ELMOD1: variants seen among roughly 807,000 people sequenced by gnomAD.
ELMOD1 encodes the protein ELMO domain-containing protein 1.
Under a neutral mutation model 46.7 loss-of-function variants are expected in ELMOD1, and 21 were observed. The observed-to-expected ratio is 0.45, with a 90% CI of 0.32 to 0.65. ELMOD1 has a LOEUF of 0.65. ELMOD1 is among the 30% of genes least tolerant of loss of function. The pLI is 0.04. For missense variants in ELMOD1, 348 were observed against 407.8 expected, an observed-to-expected ratio of 0.85 and a Z score of 1.26; for synonymous variants, 122 against 138.2, an observed-to-expected ratio of 0.88 and a Z score of 0.82.
chr11:107,612,403 T>C (rs1865795370), intron 1 of ELMOD1, among the ~76,000 whole-genome samples: 2 of 152,204 alleles, frequency 1.3e-5, no homozygotes, highest in Admixed American at 1.3e-4. Flanking sequence ...AACTATTGGA[T>C]ACTATGCTCA....
intron 6 of ELMOD1, among the ~76,000 whole-genome samples, chr11:107,640,094 C>T (rs1317844984): frequency 6.6e-6 from 1 of 152,204 alleles, no homozygotes; most frequent in Non-Finnish European, 1.5e-5. Flanking sequence ...ACCTCCACCT[C>T]CCAGGTTCAA....
chr11:107,592,249 A>C, intron 1 of ELMOD1: 1 of 288,702 alleles, frequency 3.5e-6, no homozygotes, highest in Non-Finnish European at 6.9e-6. Flanking sequence ...TTTAATGAAT[A>C]TGTTGTCAGC....
rs116630127 is a variant in ELMOD1, at chr11:107,641,335, C to A, written c.420+5570C>A. ...AAAATAAGTATATATATATATATAT[C>A]TCTAACAGGAAGAATCAAACTAGTT... On this transcript the variant is annotated intron_variant, in intron 6 of 11. Coordinates refer to ENST00000265840, the MANE Select transcript of ELMOD1 (RefSeq NM_018712.4). Among the ~76,000 whole-genome samples, 820 of 150,868 alleles carry A rather than the reference C, an allele frequency of 5.4e-3. 7 individuals carry two copies. The highest frequency in any genetic ancestry group is 0.019 in the African/African-American group (775 of 41,188).
rs774466094 is a variant in ELMOD1 at position 107,665,126 on chromosome 11, A to C, written c.934A>C (p.Lys312Gln). ...VREKFRKRII[K>Q]QLQNPDMALC... Reference sequence around the variant, plus strand: ...GGAGAAATTCCGCAAGAGGATCATCAAACAGCTGCAGAACCCAGACATGGC... The same window carrying C: ...GGAGAAATTCCGCAAGAGGATCATCCAACAGCTGCAGAACCCAGACATGGC... The change falls in exon 12 of 12, where the codon AAA becomes CAA. Residue 312 changes from lysine (K) to glutamine (Q), a missense_variant. Transcript: ENST00000265840. The C allele has an allele frequency of 6.2e-7, 1 of 1,614,012 alleles. No individual in the cohort carries two copies. The highest frequency in any genetic ancestry group is 8.5e-7 in the Non-Finnish European group (1 of 1,179,890).
chr11:107,598,599 A>G (rs1865534820), intron 1 of ELMOD1, among the ~76,000 whole-genome samples: 1 of 152,230 alleles, frequency 6.6e-6, no homozygotes, highest in South Asian at 2.1e-4. Context: ...AGGAGATGAA[A>G]GTGCCAGATG....
intron 1 of ELMOD1, among the ~76,000 whole-genome samples, chr11:107,607,404 C>T (rs1323966665): frequency 6.6e-6 from 1 of 152,166 alleles, no homozygotes; most frequent in Non-Finnish European, 1.5e-5. Flanking sequence ...GCCTGTAATT[C>T]CAGCACTTTG....
At chr11:107,662,814 C>T (rs1866765662) in intron 11 of ELMOD1, among the ~76,000 whole-genome samples, 1 of 151,912 alleles carries the variant, frequency 6.6e-6, no homozygotes, top group Non-Finnish European at 1.5e-5. Context: ...ATTGCTTGAA[C>T]CTGGGAGGTG....
chr11:107,595,053 A>C lies in ELMOD1; in HGVS notation c.-86+3644A>C, dbSNP rs1022752716. 3.9e-4 allele frequency among the ~76,000 whole-genome samples: 60 copies of C among 152,178 alleles called. 1 individual carries two copies. Among genetic ancestry groups the C allele is most frequent in the Non-Finnish European group, 4.3e-4 (29 of 68,030 alleles). Reference sequence around the variant, plus strand: ...GTTGATGATCAAACCACTGCAGTCCATGTAGAGAACAGTTACTCATTTCTT... The same window carrying C: ...GTTGATGATCAAACCACTGCAGTCCCTGTAGAGAACAGTTACTCATTTCTT... On this transcript the variant is annotated intron_variant, in intron 1 of 11. Transcript: ENST00000265840.
chr11:107,645,434 C>T (rs1266379597), intron 6 of ELMOD1, among the ~76,000 whole-genome samples: 1 of 152,126 alleles, frequency 6.6e-6, no homozygotes, highest in Non-Finnish European at 1.5e-5. Context: ...AGCAATTCTC[C>T]TGCCTCAGCC....
rs148724749 is a variant in ELMOD1, at chr11:107,602,025, T to C, written c.-86+10616T>C. The stretch of plus-strand genomic sequence containing the variant: ...TCCATCTCCATTTTGGTGGAAAGCT[T>C]TCTTTGGAAGCTTCCAGAAAAGGCA... On this transcript the variant is annotated intron_variant, in intron 1 of 11. Coordinates refer to ENST00000265840, the MANE Select transcript of ELMOD1 (RefSeq NM_018712.4). 7.2e-5 allele frequency among the ~76,000 whole-genome samples: 11 copies of C among 152,318 alleles called. No individual in the cohort carries two copies. In the East Asian group the frequency reaches 1.9e-3, roughly 27 times the overall value.
At chr11:107,606,368 C>G (rs80053358) in intron 1 of ELMOD1, among the ~76,000 whole-genome samples, 1 of 152,220 alleles carries the variant, frequency 6.6e-6, no homozygotes, top group African/African-American at 2.4e-5. Flanking sequence ...TACTCATCTA[C>G]AAACCATCTG....
intron 6 of ELMOD1, among the ~76,000 whole-genome samples, chr11:107,637,237 A>G (rs112859901): frequency 0.019 from 2,849 of 152,346 alleles, 33 homozygotes; most frequent in Non-Finnish European, 0.029. Context: ...TATTTTACAG[A>G]TGAGAAAACT....
intron 1 of ELMOD1, among the ~76,000 whole-genome samples, chr11:107,605,907 AT>A (rs1036848289): frequency 1.3e-5 from 2 of 152,222 alleles, no homozygotes; most frequent in African/African-American, 4.8e-5. Flanking sequence ...AAGATTTTTC[AT>A]TTGTATGTGA....
At chr11:107,620,145 A>T (rs1865924242) in intron 2 of ELMOD1, 1 of 152,204 alleles carries the variant, frequency 6.6e-6, no homozygotes, top group Non-Finnish European at 1.5e-5. Flanking sequence ...GAGCTCAGCA[A>T]ATGTATTATG....
chr11:107,648,240 G>C (rs1531751), intron 7 of ELMOD1, among the ~76,000 whole-genome samples: 38,797 of 152,018 alleles, frequency 0.26, 5,092 homozygotes, highest in Middle Eastern at 0.31. Flanking sequence ...TCTTAAATTA[G>C]ATCAGTCTCT....
At chr11:107,637,598 C>G (rs1307693968) in intron 6 of ELMOD1, among the ~76,000 whole-genome samples, 1 of 151,948 alleles carries the variant, frequency 6.6e-6, no homozygotes, top group Non-Finnish European at 1.5e-5. Context: ...GAGGCTGAGG[C>G]AGGAGAATTG....
chr11:107,610,554 C>T lies in ELMOD1; in HGVS notation c.-85-7551C>T, dbSNP rs1401972990. ...TGGTGTATGCCTGTAATCTGAGCTA[C>T]TCGGGAGGCTGAGACACAGAATTGC... is the stretch of plus-strand genomic sequence containing the variant. On this transcript the variant is annotated intron_variant, in intron 1 of 11. Transcript: ENST00000265840. Among the ~76,000 whole-genome samples the T allele has an allele frequency of 5.3e-5, 8 of 151,558 alleles. No individual in the cohort carries two copies. The East Asian group carries it at 1.4e-3, about 26-fold the overall frequency.
At chr11:107,620,691 C>G (rs1865932298) in intron 2 of ELMOD1, among the ~76,000 whole-genome samples, 1 of 152,126 alleles carries the variant, frequency 6.6e-6, no homozygotes, top group Non-Finnish European at 1.5e-5. Context: ...CATGGTGAAA[C>G]CATCTCTACT....
chr11:107,643,433 T>C, intron 6 of ELMOD1: 1 of 230,900 alleles, frequency 4.3e-6, no homozygotes, highest in Non-Finnish European at 9.1e-6. Flanking sequence ...GTCCAAGTTT[T>C]GCTATAGATG....
Sources: allele counts gnomAD v4.1 joint callset (sites outside exome capture counted in the v4.1 genomes callset), GRCh38; gene constraint gnomAD v4.1.1; transcripts MANE v1.5; gene names NCBI Gene and HGNC (gene_info 2026-07-23, HGNC 2026-07-21).